Variants in SPINK4 observed in about 807,000 individuals in gnomAD.
SPINK4 encodes the protein serine peptidase inhibitor Kazal type 4, also known as serine protease inhibitor Kazal-type 4.
A neutral mutation model predicts 12.3 loss-of-function variants in SPINK4; 10 were observed. The ratio of observed to expected loss-of-function variants is 0.81; its 90% CI spans 0.50 to 1.37. SPINK4 has a LOEUF of 1.37. Among genes scored for constraint, SPINK4 ranks in the 40% most tolerant of loss-of-function variants. The pLI is 0.00. For synonymous variants in SPINK4, 37 were observed against 40.2 expected (o/e 0.92, Z 0.30); for missense variants, 91 against 109.0 (o/e 0.84, Z 0.73).
chr9:33,240,331 G>A, intron 1 of SPINK4, 62 bp downstream of exon 1: 1 of 1,483,982 alleles, frequency 6.7e-7, no homozygotes, highest in Middle Eastern at 1.8e-4. Flanking sequence ...TGGGGTGAGA[G>A]CAGAAGCAGG....
At chr9:33,246,291 A>G (rs927071501) in intron 2 of SPINK4, among the ~76,000 whole-genome samples, 2 of 152,170 alleles carry the variant, frequency 1.3e-5, no homozygotes, top group Non-Finnish European at 2.9e-5. Flanking sequence ...ACAAGTCCCC[A>G]GGAGCTTGAG....
intron 1 of SPINK4, 84 bp downstream of exon 1, chr9:33,240,353 C>G (rs1250612178): frequency 4.8e-6 from 6 of 1,243,256 alleles, no homozygotes; most frequent in South Asian, 4.6e-5. Context: ...CCTGGAGCAC[C>G]CTGTGAGGCC....
At chr9:33,247,395 C>T (rs1264347483) in intron 3 of SPINK4, among the ~76,000 whole-genome samples, 4 of 151,244 alleles carry the variant, frequency 2.6e-5, no homozygotes, top group East Asian at 1.9e-4. Context: ...CTCGAACTCC[C>T]GATCTCAAGT....
chr9:33,240,172 C>A lies in SPINK4; in HGVS notation c.-37C>A, dbSNP rs757184790. ...GCCCCCATCCTTCCTCAGGCGCAGGCCCCAGCCAGCTCAGGCTACACTATC... is the reference window on the plus strand; with the variant it reads ...GCCCCCATCCTTCCTCAGGCGCAGGACCCAGCCAGCTCAGGCTACACTATC... On this transcript the variant is annotated 5_prime_UTR_variant, in exon 1 of 4. Transcript: ENST00000379721. 5 of 1,568,224 alleles carry A rather than the reference C, an allele frequency of 3.2e-6. No homozygotes were observed. Among genetic ancestry groups the A allele is most frequent in the South Asian group, 1.2e-5 (1 of 84,388 alleles).
chr9:33,248,313 C>G (rs942725184), intron 3 of SPINK4, 113 bp from the exon 4 acceptor site: 2 of 1,060,150 alleles, frequency 1.9e-6, no homozygotes, highest in Non-Finnish European at 1.4e-6. Context: ...TATCCATACA[C>G]TGCATATGTG....
intron 3 of SPINK4, among the ~76,000 whole-genome samples, chr9:33,246,971 C>T (rs1820292427): frequency 6.6e-6 from 1 of 151,964 alleles, no homozygotes; most frequent in South Asian, 2.1e-4. Context: ...CCTTGTTCTG[C>T]CTTGATTGAC....
chr9:33,245,286 T>G, intron 2 of SPINK4, 134 bp downstream of exon 2: 1 of 885,038 alleles, frequency 1.1e-6, no homozygotes, highest in Non-Finnish European at 1.7e-6. Flanking sequence ...CAAGGTGGCC[T>G]CCTGGCCTGC....
At chr9:33,246,937 G>A (rs74979402) in intron 3 of SPINK4, among the ~76,000 whole-genome samples, 3,309 of 152,160 alleles carry the variant, frequency 0.022, 143 homozygotes, top group African/African-American at 0.075. Flanking sequence ...GTGGTGGATA[G>A]GGAGTAGGGG....
intron 2 of SPINK4, 101 bp from the exon 3 acceptor site, chr9:33,246,515 C>T (rs1478032998): frequency 7.8e-6 from 7 of 900,720 alleles, no homozygotes; most frequent in Non-Finnish European, 1.1e-5. Flanking sequence ...CTTCTTGACT[C>T]TGATACCTCA....
Position 33,246,708 on chromosome 9 carries a change from C to T in SPINK4, c.195C>T (p.Cys65=). 4 of 1,613,952 alleles carry T rather than the reference C, an allele frequency of 2.5e-6. No homozygotes were observed. The highest frequency in any genetic ancestry group is 3.4e-6 in the Non-Finnish European group (4 of 1,179,974). ...ATGGGCTCACATATACGAATGAATG[C>T]CAGCTCTGCTTGGCCCGGATGTAAG... ...GTDGLTYTNE[C]QLCLARIKTK... is the part of the protein sequence containing the mutation. Residue 65 remains cysteine, a synonymous_variant, in exon 3 of 4, where the codon TGC becomes TGT. Transcript: ENST00000379721.
chr9:33,241,631 G>C (rs952610400), intron 1 of SPINK4, among the ~76,000 whole-genome samples: 1 of 152,170 alleles, frequency 6.6e-6, no homozygotes, highest in Non-Finnish European at 1.5e-5. Context: ...CCTACTCCTT[G>C]AGCAGTTGGG....
At position 33,248,462 on chromosome 9, in the gene SPINK4, C is replaced by A. The variant is rs1554694107; in HGVS notation, c.252C>A (p.Gly84=). The A allele has an allele frequency of 1.2e-6, 2 of 1,614,022 alleles. No homozygotes were observed. The highest frequency in any genetic ancestry group is 1.7e-6 in the Non-Finnish European group (2 of 1,180,016). ...TKQDIQIMKD[G]KC ...AGGACATCCAGATCATGAAAGATGG[C>A]AAATGCTGATCCCACAGGAGCACCT... is the stretch of plus-strand genomic sequence containing the variant. The change falls in exon 4 of 4, where the codon GGC becomes GGA. Residue 84 remains glycine, a synonymous_variant. Transcript: ENST00000379721.
Position 33,248,414 on chromosome 9 carries a change from C to T in SPINK4, c.216-12C>T. 6.2e-7 allele frequency: 1 copy of T among 1,614,022 alleles called. No individual in the cohort carries two copies. The highest frequency in any genetic ancestry group is 2.2e-5 in the East Asian group (1 of 44,888). On this transcript the variant is annotated splice_polypyrimidine_tract_variant and intron_variant, in intron 3 of 3. Transcript: ENST00000379721. Reference sequence around the variant, plus strand: ...GAGAAGGTAGCCTCATGCCTGTCTTCTTTGATCCTAGAAAAACCAAACAGG... The same window carrying T: ...GAGAAGGTAGCCTCATGCCTGTCTTTTTTGATCCTAGAAAAACCAAACAGG...
intron 1 of SPINK4, among the ~76,000 whole-genome samples, chr9:33,241,511 A>G (rs1820234479): frequency 6.6e-6 from 1 of 152,148 alleles, no homozygotes; most frequent in Non-Finnish European, 1.5e-5. Context: ...GGCCAGTCCC[A>G]CACCCATTTC....
At chr9:33,240,325 G>T in intron 1 of SPINK4, 56 bp downstream of exon 1, 1 of 1,523,830 alleles carries the variant, frequency 6.6e-7, no homozygotes, top group Non-Finnish European at 8.8e-7. Context: ...TGAGCTTGGG[G>T]TGAGAGCAGA....
At chr9:33,240,293 T>A (rs770106416) in intron 1 of SPINK4, 24 bp downstream of exon 1, 1 of 1,582,548 alleles carries the variant, frequency 6.3e-7, no homozygotes, top group Non-Finnish European at 8.6e-7. Context: ...ACCTGGATTC[T>A]CTGTGGCTTT....
At chr9:33,248,361 G>A in intron 3 of SPINK4, 65 bp from the exon 4 acceptor site, 2 of 1,568,116 alleles carry the variant, frequency 1.3e-6, no homozygotes, top group South Asian at 2.2e-5. Context: ...GACTGTGCCA[G>A]GTCCCTGAAT....
chr9:33,247,160 A>ATTTT (rs34574251), intron 3 of SPINK4, among the ~76,000 whole-genome samples: 8 of 135,990 alleles, frequency 5.9e-5, no homozygotes, highest in Non-Finnish European at 4.7e-5. Flanking sequence ...GCAGCACAGA[A>ATTTT]TTTTTTTTTT....
intron 1 of SPINK4, among the ~76,000 whole-genome samples, chr9:33,243,635 G>GT (rs1275828039): frequency 6.6e-6 from 1 of 152,140 alleles, no homozygotes. Context: ...TAATTGTTCA[G>GT]TAGTGCCCCA....
Sources: allele counts gnomAD v4.1 joint callset (sites outside exome capture counted in the v4.1 genomes callset), GRCh38; gene constraint gnomAD v4.1.1; transcripts MANE v1.5; gene names NCBI Gene and HGNC (gene_info 2026-07-23, HGNC 2026-07-21).